The following RELN variants were observed in gnomAD, a reference collection of about 807,000 sequenced individuals.
RELN encodes the protein reelin.
In RELN, 108 loss-of-function variants were observed where a neutral mutation model predicts 427.6. That is an observed-to-expected ratio of 0.25 (90% CI 0.22 to 0.30). The LOEUF is 0.30. Ranked by LOEUF, RELN falls within the 10% of genes least tolerant of loss-of-function variation. RELN has a pLI of 1.00. For synonymous variants in RELN, 1,524 were observed against 1,513.4 expected, an observed-to-expected ratio of 1.01 and a Z score of -0.16; for missense variants, 3,715 against 4,302.8, an observed-to-expected ratio of 0.86 and a Z score of 3.82.
chr7:103,500,228 T>G (rs964497704), intron 53 of RELN, among the ~76,000 whole-genome samples: 5 of 152,202 alleles, frequency 3.3e-5, no homozygotes, highest in African/African-American at 1.2e-4. Context: ...CAGCTAAAGC[T>G]TTCAAAAGTG....
rs2116190934 is a variant in RELN, at chr7:103,773,141, TTTCTTTCTTTCTTTC to T, written c.544+3401_544+3415del. Among the ~76,000 whole-genome samples the T allele has an allele frequency of 2.0e-5, 2 of 98,188 alleles. 1 individual carries two copies. Among genetic ancestry groups the T allele is most frequent in the South Asian group, 7.3e-4 (2 of 2,730 alleles). 64.4% of individuals were successfully genotyped at this position (98,188 alleles called of 152,430 possible). A position where few individuals can be genotyped will look rare whatever the true frequency, so the allele number is the denominator to read the frequency against. The stretch of plus-strand genomic sequence containing the variant: ...CTTTCTTTCTTTCTTTCTTTCTTTC[TTTCTTTCTTTCTTTC>T]TTTCTTTCTTTTTCTTTCTTTCCTT... On this transcript the variant is annotated intron_variant, in intron 4 of 64. Transcript: ENST00000428762.
chr7:103,595,011 G>T (rs943912309), intron 25 of RELN, among the ~76,000 whole-genome samples: 1 of 152,052 alleles, frequency 6.6e-6, no homozygotes, highest in Admixed American at 6.6e-5. Context: ...GGCATTATAC[G>T]TATAATTTGG....
intron 6 of RELN, among the ~76,000 whole-genome samples, chr7:103,743,976 C>T (rs1790745718): frequency 6.6e-6 from 1 of 152,112 alleles, no homozygotes; most frequent in Admixed American, 6.5e-5. Context: ...TTCAGCACCA[C>T]ACCACACCTA....
chr7:103,780,093 G>T (rs1791848770), intron 3 of RELN, among the ~76,000 whole-genome samples: 1 of 152,156 alleles, frequency 6.6e-6, no homozygotes, highest in Non-Finnish European at 1.5e-5. Flanking sequence ...TCAGGCTAAA[G>T]CCATTTTAGT....
chr7:103,670,447 T>C (rs535065980), intron 11 of RELN, among the ~76,000 whole-genome samples: 62 of 152,208 alleles, frequency 4.1e-4, no homozygotes, highest in Non-Finnish European at 7.7e-4. Flanking sequence ...AAGGTCTATA[T>C]TTATTGACTA....
intron 2 of RELN, among the ~76,000 whole-genome samples, chr7:103,905,006 A>AATC (rs1491454556): frequency 9.6e-6 from 1 of 104,166 alleles, no homozygotes; most frequent in African/African-American, 3.7e-5. Flanking sequence ...TTTTTGAGAT[A>AATC]ATCTCGCTTT....
intron 3 of RELN, among the ~76,000 whole-genome samples, chr7:103,791,091 T>G (rs1251264916): frequency 6.6e-6 from 1 of 151,926 alleles, no homozygotes; most frequent in Non-Finnish European, 1.5e-5. Flanking sequence ...ACATAACTAC[T>G]AAACATCACT....
chr7:103,817,943 A>AAG (rs1792917701), intron 3 of RELN, among the ~76,000 whole-genome samples: 1 of 149,666 alleles, frequency 6.7e-6, no homozygotes, highest in East Asian at 1.9e-4. Flanking sequence ...ATCTCAAAAA[A>AAG]AAAAAAAAAA....
chr7:103,842,669 C>T (rs1413833343), intron 2 of RELN, among the ~76,000 whole-genome samples: 2 of 152,176 alleles, frequency 1.3e-5, no homozygotes, highest in Non-Finnish European at 2.9e-5. Flanking sequence ...TTTCAAAGCA[C>T]TGATTTGATT....
At chr7:103,973,810 T>A (rs1398023173) in intron 1 of RELN, among the ~76,000 whole-genome samples, 1 of 152,170 alleles carries the variant, frequency 6.6e-6, no homozygotes, top group Non-Finnish European at 1.5e-5. Context: ...ATATTCCTTT[T>A]TAATCACAGG....
chr7:103,677,060 C>T (rs1833545336), intron 11 of RELN, among the ~76,000 whole-genome samples: 1 of 151,498 alleles, frequency 6.6e-6, no homozygotes, highest in African/African-American at 2.4e-5. Flanking sequence ...GCCACATATA[C>T]ACCATGGAAT....
At chr7:103,574,750 C>T (rs77075963) in intron 29 of RELN, among the ~76,000 whole-genome samples, 6 of 152,118 alleles carry the variant, frequency 3.9e-5, no homozygotes, top group South Asian at 2.1e-4. Context: ...TCTTTGGTCA[C>T]GTGCCAGATG....
At chr7:103,575,431 CTAGACT>C in intron 29 of RELN, 111 bp downstream of exon 29, 1 of 1,227,388 alleles carries the variant, frequency 8.1e-7, no homozygotes, top group Non-Finnish European at 1.2e-6. Flanking sequence ...CCTACAATTC[CTAGACT>C]TAAAGAGGAA....
At chr7:103,984,341 G>A (rs868218495) in intron 1 of RELN, among the ~76,000 whole-genome samples, 3 of 152,078 alleles carry the variant, frequency 2.0e-5, no homozygotes, top group Middle Eastern at 3.5e-3. Flanking sequence ...TTATTACAAC[G>A]ATACAACATT....
At chr7:103,918,786 A>G (rs1218689135) in intron 1 of RELN, among the ~76,000 whole-genome samples, 1 of 152,180 alleles carries the variant, frequency 6.6e-6, no homozygotes, top group Non-Finnish European at 1.5e-5. Context: ...ATGGAAAAAA[A>G]GAAGACAGAG....
At chr7:103,631,108 T>C (rs1458892716) in intron 19 of RELN, among the ~76,000 whole-genome samples, 1 of 151,858 alleles carries the variant, frequency 6.6e-6, no homozygotes, top group Non-Finnish European at 1.5e-5. Flanking sequence ...TTTAAATAAT[T>C]TGTACATGGA....
At chr7:103,661,267 A>C in intron 12 of RELN, 109 bp downstream of exon 12, 1 of 1,250,456 alleles carries the variant, frequency 8.0e-7, no homozygotes, top group South Asian at 1.2e-5. Flanking sequence ...CTCACGTTTC[A>C]TGAATTTTCA....
At chr7:103,867,476 T>C (rs1794227652) in intron 2 of RELN, among the ~76,000 whole-genome samples, 1 of 152,104 alleles carries the variant, frequency 6.6e-6, no homozygotes, top group Non-Finnish European at 1.5e-5. Context: ...TACAAACTAT[T>C]TTCAATGTAC....
At chr7:103,768,674 A>G (rs1449067572) in intron 4 of RELN, among the ~76,000 whole-genome samples, 1 of 152,226 alleles carries the variant, frequency 6.6e-6, no homozygotes, top group Non-Finnish European at 1.5e-5. Context: ...AAATGTTAAA[A>G]AAACCAAAAA....
Sources: gnomAD v4.1 joint callset for allele counts (sites outside exome capture counted in the v4.1 genomes callset) on GRCh38, gnomAD v4.1.1 for gene constraint, MANE v1.5 for transcripts, NCBI Gene and HGNC (gene_info 2026-07-23, HGNC 2026-07-21) for gene names.